The following AKAP13 variants were observed in gnomAD, a reference collection of about 807,000 sequenced individuals.
AKAP13 encodes A-kinase anchor protein 13.
Under a neutral mutation model 264.5 loss-of-function variants are expected in AKAP13, and 80 were observed. That is an observed-to-expected ratio of 0.30 (90% CI 0.25 to 0.36). The LOEUF is 0.36. AKAP13 is among the 10% of genes least tolerant of loss of function. AKAP13 has a pLI of 1.00. For missense variants in AKAP13, 3,712 were observed against 3,435.2 expected (o/e 1.08, Z -2.01); for synonymous variants, 1,380 against 1,250.2 (o/e 1.10, Z -2.19).
rs1255074179 is a variant in AKAP13 at position 85,689,435 on chromosome 15, T to C, written c.5290-3842T>C. ...TAATTACATGTATAAAGGGGTATTT[T>C]TGGAAAAGTGAAGAATCACCTTTGA... is the stretch of plus-strand genomic sequence containing the variant. On this transcript the variant is annotated intron_variant, in intron 16 of 36. Transcript: ENST00000394518. Among the ~76,000 whole-genome samples the C allele has an allele frequency of 2.0e-5, 3 of 152,240 alleles. No homozygotes were observed. In the East Asian group the frequency reaches 5.8e-4, roughly 29 times the overall value.
intron 4 of AKAP13, among the ~76,000 whole-genome samples, chr15:85,537,430 T>G (rs868537720): frequency 5.3e-5 from 8 of 152,268 alleles, no homozygotes; most frequent in South Asian, 2.1e-4. Context: ...GTAGTTTATG[T>G]AAGATTTATG....
intron 10 of AKAP13, among the ~76,000 whole-genome samples, chr15:85,653,296 A>G (rs893729459): frequency 2.6e-5 from 4 of 152,212 alleles, no homozygotes; most frequent in Non-Finnish European, 4.4e-5. Context: ...TGATTGAGAT[A>G]CCAGAATAGG....
At chr15:85,443,356 G>A (rs2150961932) in intron 1 of AKAP13, among the ~76,000 whole-genome samples, 1 of 152,224 alleles carries the variant, frequency 6.6e-6, no homozygotes, top group Non-Finnish European at 1.5e-5. Context: ...AACATTTCTT[G>A]AATTGGATTG....
chr15:85,505,512 T>G (rs1284459598), intron 2 of AKAP13, among the ~76,000 whole-genome samples: 1 of 152,240 alleles, frequency 6.6e-6, no homozygotes, highest in Non-Finnish European at 1.5e-5. Flanking sequence ...GCCAGTATCT[T>G]TATTGGGCAA....
chr15:85,699,177 C>T (rs1474479202), intron 17 of AKAP13, among the ~76,000 whole-genome samples: 1 of 151,926 alleles, frequency 6.6e-6, no homozygotes, highest in Non-Finnish European at 1.5e-5. Flanking sequence ...GGGATGGTGG[C>T]TCACAGCTGT....
At chr15:85,454,387 C>T (rs1015013020) in intron 1 of AKAP13, among the ~76,000 whole-genome samples, 3 of 152,120 alleles carry the variant, frequency 2.0e-5, no homozygotes, top group East Asian at 1.9e-4. Flanking sequence ...TTCTGGGGAT[C>T]GCTCATTCAC....
chr15:85,727,561 T>A lies in AKAP13; in HGVS notation c.7087+98T>A. 1.5e-6 allele frequency: 2 copies of A among 1,342,174 alleles called. No homozygotes were observed. Among genetic ancestry groups the A allele is most frequent in the Non-Finnish European group, 1.0e-6 (1 of 957,748 alleles). The allele number at this position is 1,342,174 out of a possible 1,614,324, so 83.1% of individuals were successfully genotyped here. On this transcript the variant is annotated intron_variant, in intron 29 of 36. Transcript: ENST00000394518. This position sits in a 1 kb window ranked among gnomAD's most constrained non-coding sequence, Gnocchi z 5.3. The stretch of plus-strand genomic sequence containing the variant: ...AGAGGTACGGGTTTGCCCTCAGTTC[T>A]AAAGCTGCCCCAGCAGGCACTTGAA...
intron 10 of AKAP13, 49 bp downstream of exon 10, chr15:85,646,003 C>T: frequency 6.3e-7 from 1 of 1,586,836 alleles, no homozygotes; most frequent in Non-Finnish European, 8.5e-7. Context: ...TTTTGTGTTC[C>T]TATTTGGGCT....
intron 9 of AKAP13, among the ~76,000 whole-genome samples, chr15:85,644,438 C>T (rs1323499273): frequency 6.6e-6 from 1 of 151,320 alleles, no homozygotes; most frequent in Non-Finnish European, 1.5e-5. Context: ...GACGGGGTTT[C>T]ACCATGTTGA....
chr15:85,640,417 A>G (rs2082257290), intron 9 of AKAP13, among the ~76,000 whole-genome samples: 2 of 152,196 alleles, frequency 1.3e-5, no homozygotes, highest in Admixed American at 1.3e-4. Flanking sequence ...CTCCAGTAGT[A>G]TTAAATTTAA....
rs781586088 is a variant in AKAP13 at position 85,710,612 on chromosome 15, T to C, written c.5566T>C (p.Ser1856Pro). The change falls in exon 19 of 37, where the codon TCA (serine) becomes CCA (proline). Residue 1856 changes from serine (S) to proline (P), a missense_variant. By Grantham distance (74) the Ser-to-Pro change is moderately conservative. Coordinates refer to ENST00000394518, the MANE Select transcript of AKAP13 (RefSeq NM_007200.5). ...PKGSLQAHDT[S>P]SLPTVIMRNK... ...AGGGAGCCTTCAGGCACATGACACA[T>C]CATCACTGCCCACGGTCATTATGAG... 6.2e-7 allele frequency: 1 copy of C among 1,614,008 alleles called. No homozygotes were observed. The highest frequency in any genetic ancestry group is 1.1e-5 in the South Asian group (1 of 91,062).
Position 85,581,593 on chromosome 15 carries a change from G to A in AKAP13, c.3525G>A (p.Glu1175=), listed in dbSNP as rs115468498. 6.1e-3 allele frequency: 9,896 copies of A among 1,614,200 alleles called. 52 individuals are homozygous for A. The highest frequency in any genetic ancestry group is 7.3e-3 in the Non-Finnish European group (8,598 of 1,180,042). The change falls in exon 7 of 37, where the codon GAG becomes GAA. Residue 1175 remains glutamate, a synonymous_variant. Transcript: ENST00000394518. ...ACAGCTGTACCATGGGTGACGCTGAGGAAGCCCAAATAGACGATGAAGCAC... is the reference window on the plus strand; with the variant it reads ...ACAGCTGTACCATGGGTGACGCTGAAGAAGCCCAAATAGACGATGAAGCAC... ...ADHSCTMGDA[E]EAQIDDEAHP... is the part of the protein sequence containing the mutation.
chr15:85,544,673 A>C (rs2077676414), intron 5 of AKAP13, among the ~76,000 whole-genome samples: 1 of 152,212 alleles, frequency 6.6e-6, no homozygotes, highest in South Asian at 2.1e-4. Flanking sequence ...AGCAGCCAAA[A>C]GTTTTTATTG....
intron 8 of AKAP13, among the ~76,000 whole-genome samples, chr15:85,630,166 TACACACACACACAC>T (rs59852934): frequency 5.0e-4 from 50 of 100,186 alleles, no homozygotes; most frequent in South Asian, 2.4e-3. Flanking sequence ...TTTTAACACA[TACACACACACACAC>T]ACACACACAC....
chr15:85,439,970 TAAA>T lies in AKAP13; in HGVS notation c.-11-45736_-11-45734del, dbSNP rs201272928. 2.0e-4 allele frequency among the ~76,000 whole-genome samples: 26 copies of T among 127,620 alleles called. No individual in the cohort carries two copies. The East Asian group carries it at 4.9e-3, about 24-fold the overall frequency. 83.7% of individuals were successfully genotyped at this position (127,620 alleles called of 152,430 possible). A position where few individuals can be genotyped will look rare whatever the true frequency, so the allele number is the denominator to read the frequency against. ...ATGTACCCTAAAACTTAAAGTATAA[TAAA>T]AAATAATAATAATAATAATAATAAA... On this transcript the variant is annotated intron_variant, in intron 1 of 36. Transcript: ENST00000394518.
intron 12 of AKAP13, among the ~76,000 whole-genome samples, chr15:85,662,933 C>CA (rs1420784149): frequency 6.6e-5 from 10 of 152,188 alleles, no homozygotes; most frequent in Non-Finnish European, 1.3e-4. Flanking sequence ...TTAAGTTTTG[C>CA]AGTAAGCATA....
intron 1 of AKAP13, among the ~76,000 whole-genome samples, chr15:85,447,141 C>T (rs1176611310): frequency 6.6e-6 from 1 of 152,034 alleles, no homozygotes; most frequent in East Asian, 1.9e-4. Context: ...GTGGTGCGCA[C>T]CTGTAATCCC....
intron 1 of AKAP13, among the ~76,000 whole-genome samples, chr15:85,389,123 G>A (rs11854646): frequency 2.6e-5 from 4 of 152,086 alleles, no homozygotes; most frequent in South Asian, 2.1e-4. Flanking sequence ...GATTCTTTGC[G>A]TGCCCTCATG....
chr15:85,519,642 G>A (rs991362032), intron 2 of AKAP13, among the ~76,000 whole-genome samples: 1 of 152,204 alleles, frequency 6.6e-6, no homozygotes. Context: ...CTAATTCTGA[G>A]TAGTAACTGA....
Sources: allele counts gnomAD v4.1 joint callset (sites outside exome capture counted in the v4.1 genomes callset), GRCh38; gene constraint gnomAD v4.1.1; non-coding constraint Gnocchi (gnomAD v3.1); transcripts MANE v1.5; gene names NCBI Gene and HGNC (gene_info 2026-07-23, HGNC 2026-07-21).